The following LARP1 variants were observed in gnomAD, a reference collection of about 807,000 sequenced individuals.
LARP1 encodes La ribonucleoprotein 1, translational regulator.
In LARP1, 36 loss-of-function variants were observed where a neutral mutation model predicts 122.7. That is an observed-to-expected ratio of 0.29 (90% CI 0.22 to 0.39). The LOEUF (loss-of-function observed/expected upper bound fraction) is 0.39. Among genes scored for constraint, LARP1 ranks in the 10% least tolerant of loss-of-function variants. The pLI is 1.00. For synonymous variants in LARP1, 539 were observed against 528.7 expected (o/e 1.02, Z -0.27); for missense variants, 1,040 against 1,403.6 (o/e 0.74, Z 4.14).
upstream of LARP1, among the ~76,000 whole-genome samples, chr5:154,712,100 C>G (rs185918692): frequency 6.6e-6 from 1 of 152,278 alleles, no homozygotes. Context: ...TGATATGTCC[C>G]TAGGAACTAA....
upstream of LARP1, among the ~76,000 whole-genome samples, chr5:154,708,176 C>T (rs1013586660): frequency 1.3e-5 from 2 of 152,226 alleles, no homozygotes; most frequent in Admixed American, 1.3e-4. Flanking sequence ...GGCACTGGCT[C>T]AGTCTCTTTC....
intron 1 of LARP1, among the ~76,000 whole-genome samples, chr5:154,700,375 A>G (rs1000898192): frequency 1.3e-5 from 2 of 151,748 alleles, no homozygotes; most frequent in South Asian, 2.1e-4. Flanking sequence ...TTCATCTTAT[A>G]AAATATTGTG....
At chr5:154,720,525 A>T (rs1402370094) in intron 1 of LARP1, among the ~76,000 whole-genome samples, 1 of 152,090 alleles carries the variant, frequency 6.6e-6, no homozygotes, top group Non-Finnish European at 1.5e-5. Context: ...GACAAGCCTG[A>T]GCAACATAGG....
At chr5:154,751,800 G>T (rs1753511459), upstream of LARP1, among the ~76,000 whole-genome samples, 1 of 152,004 alleles carries the variant, frequency 6.6e-6, no homozygotes, top group African/African-American at 2.4e-5. Flanking sequence ...TTTATTATAG[G>T]TAAGTATATA....
At chr5:154,768,556 C>A (rs141319464) in intron 1 of LARP1, among the ~76,000 whole-genome samples, 2 of 151,778 alleles carry the variant, frequency 1.3e-5, no homozygotes, top group African/African-American at 4.8e-5. Context: ...AATTATGTAC[C>A]CTATTTTTTA....
At chr5:154,781,318 C>T (rs1283787932) in intron 1 of LARP1, among the ~76,000 whole-genome samples, 1 of 151,946 alleles carries the variant, frequency 6.6e-6, no homozygotes, top group African/African-American at 2.4e-5. Flanking sequence ...ATCATACCTA[C>T]CTTCTGGGCT....
At chr5:154,777,616 T>C (rs75595910) in intron 1 of LARP1, among the ~76,000 whole-genome samples, 1,735 of 152,316 alleles carry the variant, frequency 0.011, 31 homozygotes, top group African/African-American at 0.04. Context: ...CCTTAAAATA[T>C]TTTTAAAGAT....
At chr5:154,804,123 C>T (rs1758562794) in intron 13 of LARP1, 78 bp from the exon 14 acceptor site, 1 of 1,005,360 alleles carries the variant, frequency 9.9e-7, no homozygotes, top group African/African-American at 1.6e-5. Context: ...TCATGCCCAT[C>T]TTAGTCCTAC....
At chr5:154,760,033 G>T (rs1006034007) in intron 1 of LARP1, among the ~76,000 whole-genome samples, 1 of 151,510 alleles carries the variant, frequency 6.6e-6, no homozygotes, top group African/African-American at 2.4e-5. Flanking sequence ...TCCACCTCCC[G>T]GGTTCAAGCG....
chr5:154,803,221 GATTCCTTAA>G lies in LARP1; in HGVS notation c.2110-67_2110-59del. ...CCCTCTCCAACTTCCTGCCAGTCTT[GATTCCTTAA>G]ACAGGCTAGAGCAGCCTGCTTACTT... On this transcript the variant is annotated intron_variant, in intron 11 of 18. Coordinates refer to ENST00000518297, the MANE Select transcript of LARP1 (RefSeq NM_033551.3). This position sits in a 1 kb window ranked among gnomAD's most constrained non-coding sequence, Gnocchi z 4.4. 6.3e-7 allele frequency: 1 copy of G among 1,599,120 alleles called. No homozygotes were observed. The highest frequency in any genetic ancestry group is 8.6e-7 in the Non-Finnish European group (1 of 1,167,784).
chr5:154,756,140 C>T lies in LARP1; in HGVS notation c.383C>T (p.Thr128Ile). ...CCCCCGCCCAAGGTGAACCCGTGGACTAAGAACGCATTGCCGCCGGTCCTG... is the reference window on the plus strand; with the variant it reads ...CCCCCGCCCAAGGTGAACCCGTGGATTAAGAACGCATTGCCGCCGGTCCTG... ...EAPPPKVNPW[T>I]KNALPPVLTT... is the part of the protein sequence containing the mutation. Residue 128 changes from threonine (T) to isoleucine (I), a missense_variant, in exon 1 of 19, where the codon ACT (threonine) becomes ATT (isoleucine). Physicochemically the swap from Thr to Ile is moderately conservative, Grantham distance 89. Around this residue, in one of 8 missense-constraint regions of LARP1, gnomAD observed 257 missense variants for 273.3 expected, o/e 0.94. Coordinates refer to ENST00000518297, the MANE Select transcript of LARP1 (RefSeq NM_033551.3). 1 of 1,314,212 alleles carries T rather than the reference C, an allele frequency of 7.6e-7. No homozygotes were observed. The highest frequency in any genetic ancestry group is 1.0e-6 in the Non-Finnish European group (1 of 998,298). The allele number at this position is 1,314,212 out of a possible 1,614,324, so 81.4% of individuals were successfully genotyped here.
chr5:154,766,256 G>A (rs926134135), intron 1 of LARP1, among the ~76,000 whole-genome samples: 5 of 152,214 alleles, frequency 3.3e-5, no homozygotes, highest in African/African-American at 1.2e-4. Context: ...TGTATGTGAG[G>A]GGAGTAGCAT....
At position 154,755,620 on chromosome 5, in the gene LARP1, G is replaced by T; in HGVS notation, c.-138G>T. On this transcript the variant is annotated 5_prime_UTR_variant, in exon 1 of 19. Transcript: ENST00000518297. Reference sequence around the variant, plus strand: ...TAACTGGGAGGGGGCCGCACCTCGCGTGAACCCCGACCCTTCTCTGCAGGG... The same window carrying T: ...TAACTGGGAGGGGGCCGCACCTCGCTTGAACCCCGACCCTTCTCTGCAGGG... The T allele has an allele frequency of 1.0e-6, 1 of 987,410 alleles. No homozygotes were observed. Among genetic ancestry groups the T allele is most frequent in the Non-Finnish European group, 1.2e-6 (1 of 830,074 alleles). 61.2% of individuals were successfully genotyped at this position (987,410 alleles called of 1,614,324 possible).
chr5:154,686,556 G>A (rs1753949553), intron 1 of LARP1, among the ~76,000 whole-genome samples: 2 of 152,128 alleles, frequency 1.3e-5, no homozygotes, highest in Non-Finnish European at 2.9e-5. Flanking sequence ...CAATTCTCTT[G>A]AAAAATCGAA....
chr5:154,700,613 T>TCACC (rs1374610489), intron 1 of LARP1, among the ~76,000 whole-genome samples: 2 of 152,138 alleles, frequency 1.3e-5, no homozygotes, highest in Non-Finnish European at 2.9e-5. Flanking sequence ...AGACAGGGTC[T>TCACC]TGCTCTATCA....
chr5:154,695,601 G>A (rs985684551), intron 1 of LARP1, among the ~76,000 whole-genome samples: 17 of 152,068 alleles, frequency 1.1e-4, no homozygotes, highest in Admixed American at 7.2e-4. Flanking sequence ...AGGTTGTAGC[G>A]AGCCAAGATC....
intron 1 of LARP1, among the ~76,000 whole-genome samples, chr5:154,760,386 T>A (rs1396127101): frequency 2.6e-5 from 4 of 152,156 alleles, no homozygotes; most frequent in Non-Finnish European, 1.5e-5. Context: ...GTATCAAAAA[T>A]TTTTTTCTAA....
chr5:154,690,566 A>G (rs1159516084), intron 1 of LARP1, among the ~76,000 whole-genome samples: 1 of 152,100 alleles, frequency 6.6e-6, no homozygotes, highest in Non-Finnish European at 1.5e-5. Context: ...CAGGGCAGAG[A>G]CTTGAACTCG....
At chr5:154,769,148 A>C (rs1248081059) in intron 1 of LARP1, among the ~76,000 whole-genome samples, 1 of 152,172 alleles carries the variant, frequency 6.6e-6, no homozygotes, top group Non-Finnish European at 1.5e-5. Context: ...CAAATTGTGT[A>C]CTTTAAATGG....
Sources: allele counts gnomAD v4.1 joint callset (sites outside exome capture counted in the v4.1 genomes callset), GRCh38; gene constraint gnomAD v4.1.1; regional missense constraint gnomAD v4.1.1; non-coding constraint Gnocchi (gnomAD v3.1); transcripts MANE v1.5; gene names NCBI Gene and HGNC (gene_info 2026-07-23, HGNC 2026-07-21).